Variants in NEMF observed in about 807,000 individuals in gnomAD.
NEMF encodes ribosome quality control complex subunit NEMF.
In NEMF, 89 loss-of-function variants were observed where a neutral mutation model predicts 162.2. The observed-to-expected ratio is 0.55, with a 90% confidence interval of 0.46 to 0.65. The LOEUF (loss-of-function observed/expected upper bound fraction) is 0.65, where lower values mean the gene tolerates loss of function less well. NEMF is among the 30% of genes least tolerant of loss of function. The pLI, the probability that NEMF is intolerant of heterozygous loss-of-function variation, is 0.00. For synonymous variants in NEMF, 421 were observed against 404.5 expected (o/e 1.04, Z -0.49); for missense variants, 1,133 against 1,261.9 (o/e 0.90, Z 1.55).
chr14:49,801,596 A>C (rs923924422), intron 22 of NEMF: 1 of 152,230 alleles, frequency 6.6e-6, no homozygotes, highest in Non-Finnish European at 1.5e-5. Flanking sequence ...ATAGTAAATG[A>C]AACAATGCAA....
chr14:49,830,392 AATTTG>A (rs1892577252), intron 11 of NEMF, among the ~76,000 whole-genome samples: 1 of 152,064 alleles, frequency 6.6e-6, no homozygotes, highest in Non-Finnish European at 1.5e-5. Flanking sequence ...GGATTCAAAC[AATTTG>A]ATTTTTTTTT....
At chr14:49,809,285 T>C (rs1891358290) in intron 18 of NEMF, among the ~76,000 whole-genome samples, 1 of 152,184 alleles carries the variant, frequency 6.6e-6, no homozygotes, top group African/African-American at 2.4e-5. Flanking sequence ...ATTCAGTAGA[T>C]TAATGGATAA....
intron 3 of NEMF, among the ~76,000 whole-genome samples, chr14:49,851,217 AAAAC>A (rs900692480): frequency 6.6e-5 from 10 of 152,208 alleles, no homozygotes; most frequent in Non-Finnish European, 8.8e-5. Context: ...AACGAACAAA[AAAAC>A]AAACAAACAA....
intron 19 of NEMF, among the ~76,000 whole-genome samples, chr14:49,804,007 CCT>C (rs991155509): frequency 4.0e-5 from 6 of 148,786 alleles, no homozygotes; most frequent in Non-Finnish European, 7.4e-5. Context: ...TAAAGTTTTG[CCT>C]TTTTTTTTTT....
At chr14:49,817,844 T>C (rs1033575122) in intron 16 of NEMF, among the ~76,000 whole-genome samples, 31 of 152,176 alleles carry the variant, frequency 2.0e-4, no homozygotes, top group Non-Finnish European at 5.9e-5. Flanking sequence ...ACTCCAGGAC[T>C]ACTCAGCTTC....
intron 16 of NEMF, among the ~76,000 whole-genome samples, chr14:49,824,293 CCAA>C (rs2139946530): frequency 1.3e-5 from 2 of 152,062 alleles, no homozygotes; most frequent in South Asian, 4.2e-4. Flanking sequence ...GCCTGTAATC[CCAA>C]CACTTTGGGA....
chr14:49,785,428 T>C (rs988445245), intron 29 of NEMF, 108 bp from the exon 30 acceptor site: 16 of 744,374 alleles, frequency 2.1e-5, no homozygotes, highest in African/African-American at 1.7e-4. Flanking sequence ...TTTCCTGATA[T>C]ACATACCATC....
rs759590920 is a variant in NEMF at position 49,828,701 on chromosome 14, T to C, written c.1339A>G (p.Asn447Asp). The C allele has an allele frequency of 6.2e-7, 1 of 1,607,422 alleles. No individual in the cohort carries two copies. Among genetic ancestry groups the C allele is most frequent in the Non-Finnish European group, 8.5e-7 (1 of 1,178,270 alleles). Reference protein sequence around the residue: ...PPKGKKKKQKNKQLQKPQKNK... With the variant: ...PPKGKKKKQKDKQLQKPQKNK... Reference sequence around the variant, plus strand: ...TTCTGAGGCTTCTGCAGCTGTTTATTCTTTTGTTTTTTCTTTTTTCCTTTT... The same window carrying C: ...TTCTGAGGCTTCTGCAGCTGTTTATCCTTTTGTTTTTTCTTTTTTCCTTTT... The change falls in exon 14 of 33, where the codon AAT becomes GAT. Residue 447 changes from asparagine (N) to aspartate (D), a missense_variant. Asn to Asp is a conservative substitution (Grantham distance 23). Coordinates refer to ENST00000298310, the MANE Select transcript of NEMF (RefSeq NM_004713.6).
chr14:49,819,103 CT>C (rs1337678225), intron 16 of NEMF, among the ~76,000 whole-genome samples: 1 of 152,112 alleles, frequency 6.6e-6, no homozygotes, highest in African/African-American at 2.4e-5. Context: ...GAGCGAAACT[CT>C]GTCTCCAAAA....
chr14:49,799,412 G>A, intron 25 of NEMF, 63 bp downstream of exon 25: 3 of 1,333,424 alleles, frequency 2.2e-6, no homozygotes, highest in South Asian at 2.6e-5. Context: ...TGTGGTAGCT[G>A]AGCTATCAAT....
intron 3 of NEMF, among the ~76,000 whole-genome samples, chr14:49,850,624 G>A (rs1215661977): frequency 1.3e-5 from 2 of 151,800 alleles, no homozygotes; most frequent in Non-Finnish European, 2.9e-5. Context: ...TGGGTAGCAT[G>A]CCCACCCATG....
At chr14:49,820,279 CTG>C (rs535599660) in intron 16 of NEMF, 327 of 383,626 alleles carry the variant, frequency 8.5e-4, no homozygotes, top group African/African-American at 5.9e-3. Flanking sequence ...AGGCAAGTGT[CTG>C]TGTGTTTGTT....
At chr14:49,806,230 G>GTATATATATATATATATATA (rs1219496185) in intron 18 of NEMF, 97 bp from the exon 19 acceptor site, 1 of 104,312 alleles carries the variant, frequency 9.6e-6, no homozygotes, top group African/African-American at 1.6e-4. Flanking sequence ...TCAATGATAT[G>GTATATATATATATATATATA]TGTATATATA....
At chr14:49,827,799 G>A (rs748460997) in intron 15 of NEMF, among the ~76,000 whole-genome samples, 20 of 151,414 alleles carry the variant, frequency 1.3e-4, no homozygotes, top group Non-Finnish European at 2.8e-4. Context: ...AGCAATAAGA[G>A]TGAAACTCCA....
chr14:49,833,508 G>C lies in NEMF; in HGVS notation c.662-12C>G, dbSNP rs1177279021. ...TACTTTTTCAATATCTAATGGTGGG[G>C]GAAAAAAAGGAAAAAAGGAGTGCCA... On this transcript the variant is annotated splice_polypyrimidine_tract_variant and intron_variant, in intron 7 of 32. Transcript: ENST00000298310. 1.3e-6 allele frequency: 2 copies of C among 1,525,162 alleles called. No individual in the cohort carries two copies. The highest frequency in any genetic ancestry group is 8.9e-7 in the Non-Finnish European group (1 of 1,120,892). 94.5% of individuals were successfully genotyped at this position (1,525,162 alleles called of 1,614,324 possible).
chr14:49,824,312 A>C (rs1892230653), intron 16 of NEMF, among the ~76,000 whole-genome samples: 1 of 152,164 alleles, frequency 6.6e-6, no homozygotes, highest in African/African-American at 2.4e-5. Flanking sequence ...TGGGAGGCTG[A>C]GGCGGGTGGA....
intron 4 of NEMF, among the ~76,000 whole-genome samples, chr14:49,845,182 T>TCC (rs1179157324): frequency 6.6e-6 from 1 of 151,552 alleles, no homozygotes; most frequent in Non-Finnish European, 1.5e-5. Flanking sequence ...AACCTCTGCC[T>TCC]CCCAGGTTCA....
rs1048786578 is a variant in NEMF at position 49,825,804 on chromosome 14, A to C, written c.1577+63T>G. The C allele has an allele frequency of 2.1e-5, 23 of 1,096,812 alleles. No homozygotes were observed. In the African/African-American group the frequency reaches 3.2e-4, roughly 15 times the overall value. The allele number at this position is 1,096,812 out of a possible 1,614,324, so 67.9% of individuals were successfully genotyped here. On this transcript the variant is annotated intron_variant, in intron 16 of 32. Coordinates refer to ENST00000298310, the MANE Select transcript of NEMF (RefSeq NM_004713.6). ...TTGTAGAACTGTTTGACTTTTCTAA[A>C]CAATGTGCATGGATAATTTTAATAA...
chr14:49,828,163 T>G, intron 15 of NEMF, 128 bp downstream of exon 15: 3 of 742,856 alleles, frequency 4.0e-6, no homozygotes, highest in Non-Finnish European at 7.1e-6. Context: ...ATACATATAT[T>G]TAAAGCAAAG....
Sources: allele counts gnomAD v4.1 joint callset (sites outside exome capture counted in the v4.1 genomes callset), GRCh38; gene constraint gnomAD v4.1.1; transcripts MANE v1.5; gene names NCBI Gene and HGNC (gene_info 2026-07-23, HGNC 2026-07-21).